The following ARHGAP10 variants were observed in gnomAD, a reference collection of about 807,000 sequenced individuals.
The protein encoded by ARHGAP10 is Rho GTPase activating protein 10.
ARHGAP10 carries 87 observed loss-of-function variants against 108.6 expected under a neutral mutation model. The ratio of observed to expected loss-of-function variants is 0.80; its 90% CI spans 0.67 to 0.96. The LOEUF (loss-of-function observed/expected upper bound fraction) is 0.96, where lower values mean the gene tolerates loss of function less well. Among genes scored for constraint, ARHGAP10 ranks in the 40% least tolerant of loss-of-function variants. The pLI is 0.00. For missense variants in ARHGAP10, 939 were observed against 954.5 expected (o/e 0.98, Z 0.21); for synonymous variants, 347 against 341.1 (o/e 1.02, Z -0.19).
chr4:147,805,480 T>C (rs888169513), intron 1 of ARHGAP10, among the ~76,000 whole-genome samples: 2 of 152,236 alleles, frequency 1.3e-5, no homozygotes, highest in Non-Finnish European at 2.9e-5. Flanking sequence ...ATGTGGATTT[T>C]AGAATAGTTT....
At chr4:147,911,633 A>G (rs928992773) in intron 12 of ARHGAP10, among the ~76,000 whole-genome samples, 2 of 34,282 alleles carry the variant, frequency 5.8e-5, no homozygotes, top group Non-Finnish European at 2.0e-4. Flanking sequence ...AAGTGCTGGG[A>G]TTACAGGCGT....
chr4:148,058,473 C>G (rs11942000), intron 20 of ARHGAP10, among the ~76,000 whole-genome samples: 20,847 of 152,142 alleles, frequency 0.14, 1,489 homozygotes, highest in Middle Eastern at 0.2. Context: ...GGGCTTGTAT[C>G]TCTAGTGCTG....
intron 7 of ARHGAP10, among the ~76,000 whole-genome samples, chr4:147,867,672 T>A (rs1291378449): frequency 6.6e-6 from 1 of 152,094 alleles, no homozygotes; most frequent in Non-Finnish European, 1.5e-5. Flanking sequence ...GAGACCATGC[T>A]GGCCAACATG....
chr4:147,779,024 A>C (rs1055000386), intron 1 of ARHGAP10, among the ~76,000 whole-genome samples: 2 of 152,130 alleles, frequency 1.3e-5, no homozygotes, highest in Non-Finnish European at 2.9e-5. Context: ...GTAGATGTGG[A>C]GGGTTTCTTC....
At chr4:148,033,398 T>C (rs1176473048) in intron 19 of ARHGAP10, among the ~76,000 whole-genome samples, 1 of 152,228 alleles carries the variant, frequency 6.6e-6, no homozygotes, top group Non-Finnish European at 1.5e-5. Context: ...AAAAAGCAAG[T>C]TTTAAGATGG....
chr4:147,826,124 G>A (rs745841650), intron 3 of ARHGAP10, among the ~76,000 whole-genome samples: 64 of 152,210 alleles, frequency 4.2e-4, no homozygotes, highest in Admixed American at 8.5e-4. Context: ...TGGAGGAAAA[G>A]TTCTGAGCAG....
At chr4:148,015,615 A>G (rs1270365644) in intron 18 of ARHGAP10, among the ~76,000 whole-genome samples, 1 of 152,218 alleles carries the variant, frequency 6.6e-6, no homozygotes. Context: ...TCAAGGACAG[A>G]GAGTCGGAAA....
At chr4:147,909,703 A>G in intron 11 of ARHGAP10, 29 bp from the exon 12 acceptor site, 1 of 1,592,068 alleles carries the variant, frequency 6.3e-7, no homozygotes, top group East Asian at 2.2e-5. Context: ...TTGATTAAAA[A>G]ATTCTGTTTT....
chr4:147,963,335 A>G (rs1275464700), intron 16 of ARHGAP10, among the ~76,000 whole-genome samples: 1 of 152,108 alleles, frequency 6.6e-6, no homozygotes, highest in Non-Finnish European at 1.5e-5. Flanking sequence ...CCAATCTCCA[A>G]GGGCTCTCCA....
intron 3 of ARHGAP10, among the ~76,000 whole-genome samples, chr4:147,843,420 A>G (rs994571185): frequency 2.0e-5 from 3 of 151,752 alleles, no homozygotes; most frequent in African/African-American, 7.3e-5. Context: ...TCATAAATCA[A>G]CTCCAGCCCA....
chr4:147,879,050 G>A (rs898116938), intron 8 of ARHGAP10, among the ~76,000 whole-genome samples, 182 bp from the exon 9 acceptor site: 1 of 152,184 alleles, frequency 6.6e-6, no homozygotes, highest in African/African-American at 2.4e-5. Flanking sequence ...GATTACAGGC[G>A]TGAGCCACCG....
intron 1 of ARHGAP10, among the ~76,000 whole-genome samples, chr4:147,806,713 C>T (rs1393575555): frequency 6.6e-6 from 1 of 152,070 alleles, no homozygotes; most frequent in Non-Finnish European, 1.5e-5. Context: ...AGCATATTAT[C>T]TTTTTTGAGA....
At chr4:147,858,729 T>C (rs1275049947) in intron 5 of ARHGAP10, among the ~76,000 whole-genome samples, 4 of 152,220 alleles carry the variant, frequency 2.6e-5, no homozygotes, top group Non-Finnish European at 5.9e-5. Context: ...CAGCTGCAGC[T>C]TTTACAGGCC....
At position 147,732,337 on chromosome 4, in the gene ARHGAP10, C is replaced by T. The variant is rs966522320; in HGVS notation, c.36C>T (p.Tyr12=). ...AGCCCCTGGAGTTCAGCGACTGCTACCTCGACAGCCCGTGGTTCCGGGAGA... is the reference window on the plus strand; with the variant it reads ...AGCCCCTGGAGTTCAGCGACTGCTATCTCGACAGCCCGTGGTTCCGGGAGA... The part of the protein sequence containing the change: ...GLQPLEFSDC[Y]LDSPWFRERI... Residue 12 remains tyrosine, a synonymous_variant, in exon 1 of 23, where the codon TAC becomes TAT. Transcript: ENST00000336498. 3.1e-6 allele frequency: 5 copies of T among 1,613,078 alleles called. No individual in the cohort carries two copies. In the African/African-American group the frequency reaches 4.0e-5, roughly 13 times the overall value.
At chr4:148,002,298 TG>T (rs1222119496) in intron 18 of ARHGAP10, among the ~76,000 whole-genome samples, 1 of 152,214 alleles carries the variant, frequency 6.6e-6, no homozygotes, top group Non-Finnish European at 1.5e-5. Context: ...TTTGATGTGC[TG>T]CTGGATTCGG....
intron 14 of ARHGAP10, among the ~76,000 whole-genome samples, chr4:147,944,983 A>G (rs181436378): frequency 6.6e-6 from 1 of 152,228 alleles, no homozygotes; most frequent in East Asian, 1.9e-4. Flanking sequence ...GATGCTCTCA[A>G]TCGTTCTGTG....
At chr4:147,803,668 G>T (rs1731667890) in intron 1 of ARHGAP10, among the ~76,000 whole-genome samples, 1 of 152,146 alleles carries the variant, frequency 6.6e-6, no homozygotes, top group Admixed American at 6.6e-5. Context: ...ACACATTTGA[G>T]TGAGAACATG....
chr4:147,973,949 C>G (rs1317132941), intron 18 of ARHGAP10, among the ~76,000 whole-genome samples: 1 of 152,142 alleles, frequency 6.6e-6, no homozygotes, highest in Non-Finnish European at 1.5e-5. Flanking sequence ...TTGATAGACA[C>G]TTAGGATGCT....
At chr4:147,851,747 CA>C (rs1733884094) in intron 4 of ARHGAP10, among the ~76,000 whole-genome samples, 1 of 152,114 alleles carries the variant, frequency 6.6e-6, no homozygotes, top group Admixed American at 6.5e-5. Flanking sequence ...CAACACTGGC[CA>C]GCCTTCAGGA....
Sources: allele counts gnomAD v4.1 joint callset (sites outside exome capture counted in the v4.1 genomes callset), GRCh38; gene constraint gnomAD v4.1.1; transcripts MANE v1.5; gene names NCBI Gene and HGNC (gene_info 2026-07-23, HGNC 2026-07-21).